SNTG1: variants seen among roughly 807,000 people sequenced by gnomAD.
The protein encoded by SNTG1 is gamma-1-syntrophin.
Under a neutral mutation model 74.7 loss-of-function variants are expected in SNTG1, and 39 were observed. That is an observed-to-expected ratio of 0.52 (90% CI 0.40 to 0.68). SNTG1 has a LOEUF of 0.68. Ranked by LOEUF, SNTG1 falls within the 30% of genes least tolerant of loss-of-function variation. SNTG1 has a pLI of 0.00. For synonymous variants in SNTG1, 254 were observed against 217.1 expected (o/e 1.17, Z -1.49); for missense variants, 685 against 609.5 (o/e 1.12, Z -1.30).
chr8:50,098,640 T>C (rs1369010935), intron 1 of SNTG1, among the ~76,000 whole-genome samples: 2 of 152,142 alleles, frequency 1.3e-5, no homozygotes, highest in East Asian at 1.9e-4. Context: ...ATTCTTAATA[T>C]AGTGGAGAAA....
chr8:50,287,276 G>A (rs2088839446), intron 2 of SNTG1, among the ~76,000 whole-genome samples: 1 of 152,126 alleles, frequency 6.6e-6, no homozygotes, highest in South Asian at 2.1e-4. Context: ...ATACTTACTA[G>A]TGAAACTTAC....
At chr8:50,551,110 G>T (rs1184841705) in intron 11 of SNTG1, among the ~76,000 whole-genome samples, 1 of 151,998 alleles carries the variant, frequency 6.6e-6, no homozygotes, top group Non-Finnish European at 1.5e-5. Context: ...TGAAATTGAG[G>T]CCCAACTAAG....
intron 15 of SNTG1, among the ~76,000 whole-genome samples, chr8:50,687,607 C>T (rs2095358295): frequency 6.6e-6 from 1 of 152,204 alleles, no homozygotes; most frequent in South Asian, 2.1e-4. Context: ...TTTTAGGGTA[C>T]ATGTGCACAA....
At chr8:50,497,058 C>T (rs1301360163) in intron 8 of SNTG1, among the ~76,000 whole-genome samples, 1 of 151,100 alleles carries the variant, frequency 6.6e-6, no homozygotes, top group Non-Finnish European at 1.5e-5. Flanking sequence ...GTGTATTTGT[C>T]AAAGACTTAA....
chr8:50,286,269 A>G (rs941894824), intron 2 of SNTG1, among the ~76,000 whole-genome samples: 1 of 152,128 alleles, frequency 6.6e-6, no homozygotes, highest in African/African-American at 2.4e-5. Flanking sequence ...CCTTCTCATG[A>G]TGTATTCTCT....
chr8:50,792,458 C>T (rs1169328553), intron 18 of SNTG1, among the ~76,000 whole-genome samples: 3 of 151,826 alleles, frequency 2.0e-5, no homozygotes, highest in African/African-American at 7.2e-5. Context: ...GATTAGTCCT[C>T]CTACCTCTTA....
chr8:50,421,710 G>A (rs989206715), intron 4 of SNTG1, among the ~76,000 whole-genome samples: 13 of 152,072 alleles, frequency 8.5e-5, no homozygotes, highest in African/African-American at 3.1e-4. Flanking sequence ...GAGGACCATA[G>A]GCTCTTGGCC....
intron 8 of SNTG1, among the ~76,000 whole-genome samples, chr8:50,466,474 A>G (rs971948104): frequency 6.6e-6 from 1 of 152,026 alleles, no homozygotes; most frequent in Non-Finnish European, 1.5e-5. Context: ...ATTGGGAAAC[A>G]TGAGCCCTTT....
intron 1 of SNTG1, among the ~76,000 whole-genome samples, chr8:50,106,236 C>T (rs2080365863): frequency 6.6e-6 from 1 of 152,006 alleles, no homozygotes; most frequent in Non-Finnish European, 1.5e-5. Flanking sequence ...ATCTTCTTCA[C>T]ATAGAGGGAG....
chr8:50,511,345 C>A (rs1486539114), intron 9 of SNTG1, among the ~76,000 whole-genome samples: 1 of 152,048 alleles, frequency 6.6e-6, no homozygotes, highest in African/African-American at 2.4e-5. Flanking sequence ...ACTATGTGGT[C>A]AATTTTGGAA....
intron 15 of SNTG1, among the ~76,000 whole-genome samples, chr8:50,696,187 T>C (rs1368558542): frequency 6.6e-6 from 1 of 152,110 alleles, no homozygotes; most frequent in African/African-American, 2.4e-5. Context: ...TATCTCACTG[T>C]GGCTTAAATT....
At chr8:50,483,984 G>C (rs1483287379) in intron 8 of SNTG1, among the ~76,000 whole-genome samples, 2 of 152,060 alleles carry the variant, frequency 1.3e-5, no homozygotes, top group African/African-American at 4.8e-5. Context: ...GTGAATATGT[G>C]TATAAGTTAT....
At chr8:50,071,220 A>G (rs1379194769) in intron 1 of SNTG1, among the ~76,000 whole-genome samples, 2 of 152,110 alleles carry the variant, frequency 1.3e-5, no homozygotes, top group Admixed American at 6.5e-5. Flanking sequence ...TGTTTTTGAG[A>G]CAGAGTCTTG....
intron 13 of SNTG1, among the ~76,000 whole-genome samples, chr8:50,596,103 A>G (rs2094725447): frequency 6.6e-6 from 1 of 152,010 alleles, no homozygotes; most frequent in Non-Finnish European, 1.5e-5. Context: ...GGTAAAGATA[A>G]TCTCGTAGAT....
At chr8:50,662,421 T>C (rs1475778668) in intron 15 of SNTG1, among the ~76,000 whole-genome samples, 4 of 152,208 alleles carry the variant, frequency 2.6e-5, no homozygotes, top group Middle Eastern at 3.2e-3. Flanking sequence ...TTGTCCTAAG[T>C]GCTTAGTATA....
At chr8:50,069,396 A>G (rs1025201334) in intron 1 of SNTG1, among the ~76,000 whole-genome samples, 3 of 152,170 alleles carry the variant, frequency 2.0e-5, no homozygotes, top group African/African-American at 7.2e-5. Flanking sequence ...TTACCAGAAC[A>G]CTATAAAACA....
Position 50,336,299 on chromosome 8 carries a change from G to C in SNTG1, c.-27-57913G>C, listed in dbSNP as rs1019922167. Among the ~76,000 whole-genome samples the C allele has an allele frequency of 9.2e-5, 14 of 152,154 alleles. No homozygotes were observed. In the East Asian group the frequency reaches 1.9e-3, roughly 21 times the overall value. On this transcript the variant is annotated intron_variant, in intron 2 of 18. Transcript: ENST00000642720. ...CTAAACATATTCCCTTCTATACTCT[G>C]AATCTGTATTCATAGATTTTCTCTC...
intron 8 of SNTG1, among the ~76,000 whole-genome samples, chr8:50,490,556 G>C (rs1365427598): frequency 6.6e-6 from 1 of 152,152 alleles, no homozygotes; most frequent in Non-Finnish European, 1.5e-5. Flanking sequence ...CTCATGATTT[G>C]GCTCCCTGTT....
At chr8:50,103,512 A>G (rs1177244043) in intron 1 of SNTG1, among the ~76,000 whole-genome samples, 2 of 152,162 alleles carry the variant, frequency 1.3e-5, no homozygotes, top group Admixed American at 6.6e-5. Context: ...GCAAACAGGG[A>G]CAATTTGACT....
Sources: allele counts gnomAD v4.1 joint callset (sites outside exome capture counted in the v4.1 genomes callset), GRCh38; gene constraint gnomAD v4.1.1; transcripts MANE v1.5; gene names NCBI Gene and HGNC (gene_info 2026-07-23, HGNC 2026-07-21).